Variants in FAT3 observed in about 807,000 individuals in gnomAD.
FAT3 encodes the protein FAT atypical cadherin 3.
A neutral mutation model predicts 310.2 loss-of-function variants in FAT3; 95 were observed. That is an observed-to-expected ratio of 0.31 (90% confidence interval 0.26 to 0.36). FAT3 has a LOEUF of 0.36. Ranked by LOEUF, FAT3 falls within the 10% of genes least tolerant of loss-of-function variation. The pLI, the probability that FAT3 is intolerant of heterozygous loss-of-function variation, is 1.00. For synonymous variants in FAT3, 2,314 were observed against 2,192.9 expected (o/e 1.06, Z -1.54); for missense variants, 5,408 against 5,715.6 (o/e 0.95, Z 1.74).
In FAT3 at chr11:92,829,097, G is replaced by A. The variant is rs753195283; in HGVS notation, c.9482-2525G>A. On this transcript the variant is annotated intron_variant, in intron 13 of 27. Transcript: ENST00000525166. ...CATAACTGATCTTCAGGCCTGAAAA[G>A]GAAAAATTTCCAAGCATAGATCTCC... Among the ~76,000 whole-genome samples, 13 of 152,286 alleles carry A rather than the reference G, an allele frequency of 8.5e-5. No individual in the cohort carries two copies. The Middle Eastern group carries it at 0.01, about 120-fold the overall frequency.
intron 2 of FAT3, among the ~76,000 whole-genome samples, chr11:92,476,580 C>T (rs1294058997): frequency 6.6e-6 from 1 of 152,124 alleles, no homozygotes; most frequent in Non-Finnish European, 1.5e-5. Flanking sequence ...TACAGCCGTA[C>T]TTGGGGGTGA....
intron 1 of FAT3, among the ~76,000 whole-genome samples, chr11:92,327,232 T>C (rs1184791780): frequency 6.6e-6 from 1 of 152,098 alleles, no homozygotes; most frequent in Non-Finnish European, 1.5e-5. Flanking sequence ...AAGATTCCCT[T>C]TTATTTTTTT....
Position 92,895,984 on chromosome 11 carries a change from T to G in FAT3, c.*4871T>G, listed in dbSNP as rs1481710702. 4 of 152,174 alleles carry G rather than the reference T, an allele frequency of 2.6e-5. 1 individual carries two copies. In the South Asian group the frequency reaches 6.2e-4, roughly 24 times the overall value. The allele number at this position is 152,174 out of a possible 1,614,324, so 9.4% of individuals were successfully genotyped here. On this transcript the variant is annotated 3_prime_UTR_variant, in exon 28 of 28. Coordinates refer to ENST00000525166, the MANE Select transcript of FAT3 (RefSeq NM_001367949.2). ...ATGATGTTTTTTACTCATTTCAAAA[T>G]GTACTGTAACCTTTCTTTGGTTCTT...
chr11:92,830,850 G>A (rs1054356401), intron 13 of FAT3, among the ~76,000 whole-genome samples: 1 of 151,864 alleles, frequency 6.6e-6, no homozygotes, highest in African/African-American at 2.4e-5. Context: ...AAACACTCTC[G>A]CCACCTCCAA....
At chr11:92,227,612 G>A (rs1863974172) in intron 1 of FAT3, among the ~76,000 whole-genome samples, 1 of 152,156 alleles carries the variant, frequency 6.6e-6, no homozygotes, top group South Asian at 2.1e-4. Flanking sequence ...CTGGTGTGAC[G>A]TGGAGATTTG....
intron 13 of FAT3, among the ~76,000 whole-genome samples, chr11:92,816,924 C>T (rs1355634187): frequency 5.9e-5 from 9 of 151,608 alleles, no homozygotes; most frequent in Admixed American, 3.3e-4. Context: ...TGCAGTGAGC[C>T]GAGATCACCC....
chr11:92,687,569 G>A (rs958767086), intron 3 of FAT3, among the ~76,000 whole-genome samples: 4 of 152,130 alleles, frequency 2.6e-5, no homozygotes, highest in Admixed American at 6.5e-5. Flanking sequence ...ATCTTGCCTT[G>A]TACTGTAGTG....
intron 11 of FAT3, 70 bp from the exon 12 acceptor site, chr11:92,806,292 A>G: frequency 2.2e-6 from 3 of 1,336,876 alleles, no homozygotes; most frequent in Non-Finnish European, 2.0e-6. Context: ...GAAATCCTAT[A>G]TAATGCTAAA....
intron 18 of FAT3, among the ~76,000 whole-genome samples, chr11:92,841,428 A>G (rs545736055): frequency 6.6e-6 from 1 of 152,188 alleles, no homozygotes; most frequent in Non-Finnish European, 1.5e-5. Flanking sequence ...GGTGACAATA[A>G]TAGCAATAGT....
intron 3 of FAT3, among the ~76,000 whole-genome samples, chr11:92,687,313 C>T (rs981515730): frequency 1.3e-5 from 2 of 152,104 alleles, no homozygotes; most frequent in Non-Finnish European, 2.9e-5. Context: ...TTTCCTTGTC[C>T]ATACAGCTAA....
intron 2 of FAT3, among the ~76,000 whole-genome samples, chr11:92,419,074 C>T (rs1326503971): frequency 2.0e-5 from 3 of 152,184 alleles, no homozygotes; most frequent in East Asian, 1.9e-4. Flanking sequence ...CCCTGACTTA[C>T]ATTCCCTGAG....
At chr11:92,606,188 T>C (rs1387992590) in intron 3 of FAT3, among the ~76,000 whole-genome samples, 1 of 152,216 alleles carries the variant, frequency 6.6e-6, no homozygotes, top group East Asian at 1.9e-4. Context: ...AAACTAGATA[T>C]GCATTTTCTG....
chr11:92,608,356 T>C (rs1424822054), intron 3 of FAT3, among the ~76,000 whole-genome samples: 1 of 152,202 alleles, frequency 6.6e-6, no homozygotes, highest in African/African-American at 2.4e-5. Flanking sequence ...TTACTTTTCG[T>C]TTTCAACTCC....
At chr11:92,472,660 C>G (rs867724790) in intron 2 of FAT3, among the ~76,000 whole-genome samples, 1 of 152,182 alleles carries the variant, frequency 6.6e-6, no homozygotes, top group African/African-American at 2.4e-5. Flanking sequence ...ATGGAATATT[C>G]TACATAAAAA....
Position 92,889,264 on chromosome 11 carries a change from C to T in FAT3, c.13111+16C>T. The T allele has an allele frequency of 1.4e-6, 1 of 696,438 alleles. No individual in the cohort carries two copies. The highest frequency in any genetic ancestry group is 2.7e-6 in the Non-Finnish European group (1 of 374,760). 43.1% of individuals were successfully genotyped at this position (696,438 alleles called of 1,614,324 possible). A position where few individuals can be genotyped will look rare whatever the true frequency, so the allele number is the denominator to read the frequency against. ...GAGAATGAAGGTATTTACTTTTTTT[C>T]TTCCATAGCATTTCTTGAAATTTTG... is the stretch of plus-strand genomic sequence containing the variant. On this transcript the variant is annotated intron_variant, in intron 26 of 27. Transcript: ENST00000525166.
Position 92,519,751 on chromosome 11 carries a change from A to G in FAT3, c.3293-4883A>G, listed in dbSNP as rs147478021. On this transcript the variant is annotated intron_variant, in intron 2 of 27. Coordinates refer to ENST00000525166, the MANE Select transcript of FAT3 (RefSeq NM_001367949.2). The stretch of plus-strand genomic sequence containing the variant: ...CTTCTTTATCTTAGAGAAGATATTC[A>G]GGTGAAAAATAAGCACTTTTAAAGA... 1.5e-3 allele frequency among the ~76,000 whole-genome samples: 229 copies of G among 152,242 alleles called. 2 individuals are homozygous for G. The highest frequency in any genetic ancestry group is 5.4e-3 in the African/African-American group (223 of 41,564).
At chr11:92,476,015 A>G (rs767899467) in intron 2 of FAT3, among the ~76,000 whole-genome samples, 19 of 152,182 alleles carry the variant, frequency 1.2e-4, no homozygotes, top group Non-Finnish European at 2.8e-4. Context: ...CCTCCCTTTC[A>G]AGGTTCACAT....
chr11:92,395,309 C>T (rs1949843683), intron 2 of FAT3, among the ~76,000 whole-genome samples: 1 of 152,112 alleles, frequency 6.6e-6, no homozygotes, highest in Non-Finnish European at 1.5e-5. Flanking sequence ...ATAGTGGGTG[C>T]TCATTAAGTA....
chr11:92,856,410 C>T (rs1404396899), intron 19 of FAT3, among the ~76,000 whole-genome samples: 2 of 152,172 alleles, frequency 1.3e-5, no homozygotes, highest in Non-Finnish European at 2.9e-5. Context: ...GTGAAATACT[C>T]AGGACCTTTG....
Sources: gnomAD v4.1 joint callset for allele counts (sites outside exome capture counted in the v4.1 genomes callset) on GRCh38, gnomAD v4.1.1 for gene constraint, MANE v1.5 for transcripts, NCBI Gene and HGNC (gene_info 2026-07-23, HGNC 2026-07-21) for gene names.